DLGAP1: variants seen among roughly 807,000 people sequenced by gnomAD.
DLGAP1 encodes disks large-associated protein 1.
DLGAP1 carries 11 observed loss-of-function variants against 90.8 expected under a neutral mutation model. The observed-to-expected ratio is 0.12, with a 90% CI of 0.08 to 0.20. DLGAP1 has a LOEUF of 0.20. DLGAP1 is among the 10% of genes least tolerant of loss of function. The probability of loss-of-function intolerance (pLI) is 1.00; values close to 1 mark genes in which losing one functional copy is unlikely to be tolerated. For missense variants in DLGAP1, 1,050 were observed against 1,333.8 expected, an observed-to-expected ratio of 0.79 and a Z score of 3.31; for synonymous variants, 558 against 540.7, an observed-to-expected ratio of 1.03 and a Z score of -0.44.
At chr18:4,339,261 G>A (rs2081138330) in intron 1 of DLGAP1, among the ~76,000 whole-genome samples, 1 of 152,122 alleles carries the variant, frequency 6.6e-6, no homozygotes, top group South Asian at 2.1e-4. Flanking sequence ...TTATAAGTGG[G>A]AGCTGAACAA....
chr18:4,167,533 T>C (rs997708970), intron 1 of DLGAP1, among the ~76,000 whole-genome samples: 4 of 152,176 alleles, frequency 2.6e-5, no homozygotes, highest in African/African-American at 9.7e-5. Context: ...CTATCCTATA[T>C]GTGAAGCAGA....
intron 7 of DLGAP1, among the ~76,000 whole-genome samples, chr18:3,700,299 G>T (rs1266824224): frequency 6.6e-6 from 1 of 152,192 alleles, no homozygotes; most frequent in Non-Finnish European, 1.5e-5. Flanking sequence ...GAAGACCATG[G>T]GAAAAGCATA....
At chr18:4,387,431 G>A (rs1289044898) in intron 1 of DLGAP1, among the ~76,000 whole-genome samples, 1 of 152,122 alleles carries the variant, frequency 6.6e-6, no homozygotes, top group Non-Finnish European at 1.5e-5. Flanking sequence ...TAATTGTGAT[G>A]GAAGTATATT....
intron 1 of DLGAP1, among the ~76,000 whole-genome samples, chr18:4,263,854 G>A (rs2079052722): frequency 6.6e-6 from 1 of 152,078 alleles, no homozygotes; most frequent in Non-Finnish European, 1.5e-5. Flanking sequence ...ACATGAATGA[G>A]AAGATATGAT....
At chr18:4,315,913 G>A (rs942906711) in intron 1 of DLGAP1, among the ~76,000 whole-genome samples, 1 of 152,178 alleles carries the variant, frequency 6.6e-6, no homozygotes, top group African/African-American at 2.4e-5. Context: ...GTTTTCCCAT[G>A]AGATGGCCTA....
chr18:4,257,372 T>C (rs1445915190), intron 1 of DLGAP1, among the ~76,000 whole-genome samples: 2 of 152,200 alleles, frequency 1.3e-5, no homozygotes, highest in Non-Finnish European at 2.9e-5. Flanking sequence ...CCCGGTTAAA[T>C]CTACAATTTG....
At chr18:4,257,298 A>G (rs1598740654) in intron 1 of DLGAP1, among the ~76,000 whole-genome samples, 1 of 152,166 alleles carries the variant, frequency 6.6e-6, no homozygotes, top group South Asian at 2.1e-4. Context: ...TAGAGGCTGG[A>G]GGAGGGCACT....
At chr18:3,882,208 A>G (rs562744924) in intron 3 of DLGAP1, among the ~76,000 whole-genome samples, 30 of 152,196 alleles carry the variant, frequency 2.0e-4, no homozygotes, top group Admixed American at 5.9e-4. Flanking sequence ...AGGATCATAT[A>G]TCTCTTCTTC....
intron 1 of DLGAP1, among the ~76,000 whole-genome samples, chr18:4,337,874 A>G (rs2081106754): frequency 6.6e-6 from 1 of 152,124 alleles, no homozygotes; most frequent in Non-Finnish European, 1.5e-5. Flanking sequence ...GTATTTTACA[A>G]TGTTCTTTTC....
intron 7 of DLGAP1, among the ~76,000 whole-genome samples, chr18:3,617,206 A>G (rs539202178): frequency 2.6e-5 from 4 of 152,330 alleles, no homozygotes; most frequent in African/African-American, 7.2e-5. Flanking sequence ...GCATAGAAAG[A>G]AACAGAACAT....
chr18:3,683,496 T>A (rs55861086), intron 7 of DLGAP1, among the ~76,000 whole-genome samples: 99 of 152,302 alleles, frequency 6.5e-4, no homozygotes, highest in African/African-American at 2.0e-3. Flanking sequence ...ACTTTTTTTT[T>A]AAAATCTCTA....
intron 1 of DLGAP1, among the ~76,000 whole-genome samples, chr18:4,391,469 T>A (rs1207776115): frequency 2.6e-5 from 4 of 152,204 alleles, no homozygotes; most frequent in Admixed American, 2.6e-4. Context: ...TGGTTATTTC[T>A]TTGCTACCTC....
At chr18:4,369,808 G>C (rs1490684667) in intron 1 of DLGAP1, among the ~76,000 whole-genome samples, 1 of 93,200 alleles carries the variant, frequency 1.1e-5, no homozygotes, top group Admixed American at 1.6e-4. Flanking sequence ...AAAGGAGAAA[G>C]TCTTAGTAAA....
rs1022010734 is a variant in DLGAP1 at position 3,880,087 on chromosome 18, GC to G, written c.-20del. 2 of 1,595,324 alleles carry G rather than the reference GC, an allele frequency of 1.3e-6. No homozygotes were observed. Among genetic ancestry groups the G allele is most frequent in the Non-Finnish European group, 1.7e-6 (2 of 1,178,168 alleles). On this transcript the variant is annotated 5_prime_UTR_variant, in exon 4 of 13. Transcript: ENST00000315677. The stretch of plus-strand genomic sequence containing the variant: ...CTTTCATGGCGGACCGGAAGCAGCC[GC>G]CAGGGTCATGGACACCCGGAAGTCA...
At chr18:3,740,790 CCAT>C (rs1288383175) in intron 6 of DLGAP1, among the ~76,000 whole-genome samples, 2 of 151,050 alleles carry the variant, frequency 1.3e-5, no homozygotes, top group African/African-American at 4.9e-5. Flanking sequence ...ATCACAACCA[CCAT>C]CATAACCACC....
intron 1 of DLGAP1, among the ~76,000 whole-genome samples, chr18:4,448,097 C>T (rs184433352): frequency 8.5e-5 from 13 of 152,210 alleles, no homozygotes; most frequent in East Asian, 1.9e-4. Context: ...ATCTGAAAGT[C>T]GGTCCTTCTT....
At chr18:3,753,708 C>G (rs1375559138) in intron 5 of DLGAP1, among the ~76,000 whole-genome samples, 2 of 152,214 alleles carry the variant, frequency 1.3e-5, no homozygotes, top group Admixed American at 6.5e-5. Flanking sequence ...GATTTGTAAG[C>G]TGCCTGAAAT....
chr18:4,107,425 TC>T (rs1208711051), intron 2 of DLGAP1, among the ~76,000 whole-genome samples: 2 of 152,174 alleles, frequency 1.3e-5, no homozygotes, highest in Non-Finnish European at 2.9e-5. Flanking sequence ...TACGTCTGGC[TC>T]CCCTTTCCCT....
At chr18:3,746,187 T>C (rs2063263452) in intron 5 of DLGAP1, among the ~76,000 whole-genome samples, 1 of 152,128 alleles carries the variant, frequency 6.6e-6, no homozygotes, top group African/African-American at 2.4e-5. Flanking sequence ...TTGCCTCCAC[T>C]TGGGGAAAAA....
Sources: allele counts gnomAD v4.1 joint callset (sites outside exome capture counted in the v4.1 genomes callset), GRCh38; gene constraint gnomAD v4.1.1; transcripts MANE v1.5; gene names NCBI Gene and HGNC (gene_info 2026-07-23, HGNC 2026-07-21).